The following SPAG17 variants were observed in gnomAD, a reference collection of about 807,000 sequenced individuals.
SPAG17 encodes sperm-associated antigen 17.
A neutral mutation model predicts 273.6 loss-of-function variants in SPAG17; 169 were observed. That is an observed-to-expected ratio of 0.62 (90% CI 0.55 to 0.70). The LOEUF is 0.70. Among genes scored for constraint, SPAG17 ranks in the 30% least tolerant of loss-of-function variants. SPAG17 has a pLI of 0.00. For missense variants in SPAG17, 2,557 were observed against 2,627.8 expected, an observed-to-expected ratio of 0.97 and a Z score of 0.59; for synonymous variants, 825 against 873.2, an observed-to-expected ratio of 0.94 and a Z score of 0.97.
intron 1 of SPAG17, among the ~76,000 whole-genome samples, chr1:118,179,237 C>T (rs1558065371): frequency 6.6e-6 from 1 of 151,900 alleles, no homozygotes; most frequent in Non-Finnish European, 1.5e-5. Context: ...AAAATGGACA[C>T]ATAGACCAAT....
intron 1 of SPAG17, among the ~76,000 whole-genome samples, chr1:118,168,952 G>T (rs1055346286): frequency 2.0e-5 from 3 of 152,124 alleles, no homozygotes; most frequent in Non-Finnish European, 4.4e-5. Flanking sequence ...GCAGAGAAAG[G>T]CCACATTAGG....
intron 1 of SPAG17, among the ~76,000 whole-genome samples, chr1:118,173,634 A>G (rs1660518782): frequency 6.6e-6 from 1 of 152,188 alleles, no homozygotes; most frequent in Non-Finnish European, 1.5e-5. Flanking sequence ...GGAAATTAAG[A>G]CATATTTAAA....
intron 17 of SPAG17, among the ~76,000 whole-genome samples, chr1:118,071,063 A>C (rs144666836): frequency 1.5e-3 from 226 of 152,198 alleles, no homozygotes; most frequent in African/African-American, 5.2e-3. Flanking sequence ...AGAAAACAGA[A>C]CTGACATACC....
At chr1:118,171,179 G>A (rs1353155338) in intron 1 of SPAG17, among the ~76,000 whole-genome samples, 1 of 152,106 alleles carries the variant, frequency 6.6e-6, no homozygotes, top group Non-Finnish European at 1.5e-5. Flanking sequence ...ACTGAATATG[G>A]GGAAAGATCA....
chr1:118,083,376 A>G (rs1334959079), intron 13 of SPAG17, among the ~76,000 whole-genome samples: 2 of 152,174 alleles, frequency 1.3e-5, no homozygotes, highest in East Asian at 1.9e-4. Context: ...TTGGTAAAAA[A>G]TTGAAAGCCT....
chr1:118,002,225 G>GTTAAA (rs1369662439), intron 32 of SPAG17, among the ~76,000 whole-genome samples: 1 of 152,148 alleles, frequency 6.6e-6, no homozygotes, highest in African/African-American at 2.4e-5. Context: ...CATTTGCTGA[G>GTTAAA]GAGTGCTTTA....
intron 1 of SPAG17, among the ~76,000 whole-genome samples, chr1:118,162,562 C>T (rs1317499398): frequency 7.9e-5 from 12 of 152,224 alleles, no homozygotes; most frequent in East Asian, 1.9e-4. Context: ...TACATGTAAA[C>T]GTATTTCGCA....
At chr1:118,057,383 T>C (rs10923483) in intron 18 of SPAG17, among the ~76,000 whole-genome samples, 11,846 of 152,106 alleles carry the variant, frequency 0.078, 674 homozygotes, top group East Asian at 0.31. Flanking sequence ...AACATAGCAA[T>C]GAGGGTGATC....
At chr1:117,970,351 A>C (rs1036553067) in intron 45 of SPAG17, among the ~76,000 whole-genome samples, 1 of 152,218 alleles carries the variant, frequency 6.6e-6, no homozygotes, top group Non-Finnish European at 1.5e-5. Flanking sequence ...CCTGAGTTTC[A>C]ACCCTTTGTT....
chr1:117,955,998 C>G (rs1411213801), intron 48 of SPAG17, among the ~76,000 whole-genome samples: 1 of 152,060 alleles, frequency 6.6e-6, no homozygotes, highest in Non-Finnish European at 1.5e-5. Context: ...GGTGATTATA[C>G]TGATTTTTAG....
chr1:117,991,155 C>T (rs944548973), intron 37 of SPAG17, among the ~76,000 whole-genome samples: 7 of 152,244 alleles, frequency 4.6e-5, no homozygotes, highest in Admixed American at 3.3e-4. Flanking sequence ...GTTCATTCAG[C>T]ATTTCAATAA....
chr1:117,996,662 C>T lies in SPAG17; in HGVS notation c.4858G>A (p.Asp1620Asn). Reference sequence around the variant, plus strand: ...TCAAGGTGCATAGAGGACAGACTATCATAGCCCTCAGTTTTCTCATTTAAA... The same window carrying T: ...TCAAGGTGCATAGAGGACAGACTATTATAGCCCTCAGTTTTCTCATTTAAA... ...DDLNEKTEGY[D>N]SLSSMHLEKN... Residue 1620 changes from aspartate (D) to asparagine (N), a missense_variant, in exon 33 of 49, where the codon GAT becomes AAT. Transcript: ENST00000336338. 1.2e-6 allele frequency: 2 copies of T among 1,612,862 alleles called. No individual in the cohort carries two copies. Among genetic ancestry groups the T allele is most frequent in the Non-Finnish European group, 1.7e-6 (2 of 1,179,362 alleles).
chr1:118,175,080 G>A (rs1393994440), intron 1 of SPAG17, among the ~76,000 whole-genome samples: 1 of 152,062 alleles, frequency 6.6e-6, no homozygotes, highest in Non-Finnish European at 1.5e-5. Context: ...GCCCAGGCTG[G>A]AGTGCAGTGG....
At chr1:118,125,179 C>T (rs963347237) in intron 3 of SPAG17, among the ~76,000 whole-genome samples, 1 of 151,462 alleles carries the variant, frequency 6.6e-6, no homozygotes, top group Non-Finnish European at 1.5e-5. Flanking sequence ...CGTCTCCTGG[C>T]CTGAGCACAT....
At chr1:118,109,791 G>A (rs910797067) in intron 4 of SPAG17, among the ~76,000 whole-genome samples, 5 of 152,022 alleles carry the variant, frequency 3.3e-5, no homozygotes, top group African/African-American at 1.2e-4. Flanking sequence ...TCATAAACAA[G>A]CTATCATAGG....
At chr1:118,093,090 T>C in intron 8 of SPAG17, 66 bp downstream of exon 8, 1 of 1,503,576 alleles carries the variant, frequency 6.7e-7, no homozygotes, top group Admixed American at 2.0e-5. Flanking sequence ...ATATGCCTTA[T>C]AAATATGAAA....
rs1312903197 is a variant in SPAG17, at chr1:118,055,841, T to C, written c.2614A>G (p.Lys872Glu). The change falls in exon 19 of 49, where the codon AAA becomes GAA. Residue 872 changes from lysine (K) to glutamate (E), a missense_variant. Lys to Glu is a moderately conservative substitution (Grantham distance 56). Transcript: ENST00000336338. ...GTCCTGATGATTTTCTCATTCATTT[T>C]AGATTCCTGATATATAGCTTCTTCT... Reference protein sequence around the residue: ...TKEEAIYQESKMNEKIIRTRA... With the variant: ...TKEEAIYQESEMNEKIIRTRA... The C allele has an allele frequency of 1.9e-6, 3 of 1,613,130 alleles. No individual in the cohort carries two copies. Among genetic ancestry groups the C allele is most frequent in the Admixed American group, 3.3e-5 (2 of 59,988 alleles).
chr1:118,001,632 T>C lies in SPAG17; in HGVS notation c.4776+3782A>G, dbSNP rs1302577322. ...TAGAGGTGTTTATAGTATTCTCTGATGGTAGTTTGTATTTCTGTGGTATCC... is the reference window on the plus strand; with the variant it reads ...TAGAGGTGTTTATAGTATTCTCTGACGGTAGTTTGTATTTCTGTGGTATCC... On this transcript the variant is annotated intron_variant, in intron 32 of 48. Transcript: ENST00000336338. Among the ~76,000 whole-genome samples, 11 of 152,234 alleles carry C rather than the reference T, an allele frequency of 7.2e-5. No homozygotes were observed. The East Asian group carries it at 2.1e-3, about 29-fold the overall frequency.
At chr1:118,067,381 G>A (rs1220892552) in intron 17 of SPAG17, among the ~76,000 whole-genome samples, 3 of 152,112 alleles carry the variant, frequency 2.0e-5, no homozygotes, top group Non-Finnish European at 4.4e-5. Context: ...GGTTTGATGG[G>A]GTCATGAGAC....
Sources: allele counts gnomAD v4.1 joint callset (sites outside exome capture counted in the v4.1 genomes callset), GRCh38; gene constraint gnomAD v4.1.1; transcripts MANE v1.5; gene names NCBI Gene and HGNC (gene_info 2026-07-23, HGNC 2026-07-21).